PRKG1: variants seen among roughly 807,000 people sequenced by gnomAD.
PRKG1 encodes protein kinase cGMP-dependent 1.
In PRKG1, 35 loss-of-function variants were observed where a neutral mutation model predicts 88.1. That is an observed-to-expected ratio of 0.40 (90% CI 0.30 to 0.53). PRKG1 has a LOEUF of 0.53. PRKG1 is among the 20% of genes least tolerant of loss of function. The pLI is 0.59. For synonymous variants in PRKG1, 303 were observed against 292.5 expected (o/e 1.04, Z -0.37); for missense variants, 540 against 839.8 (o/e 0.64, Z 4.41).
At chr10:51,995,967 A>G (rs1311285498) in intron 5 of PRKG1, among the ~76,000 whole-genome samples, 2 of 152,158 alleles carry the variant, frequency 1.3e-5, no homozygotes, top group Admixed American at 1.3e-4. Context: ...TATCAGTGGG[A>G]TTACATTAAA....
At chr10:51,129,094 A>C (rs943765172) in intron 1 of PRKG1, among the ~76,000 whole-genome samples, 2 of 152,178 alleles carry the variant, frequency 1.3e-5, no homozygotes, top group African/African-American at 4.8e-5. Context: ...GTTTGTAAGC[A>C]CTTTGTCTTT....
At chr10:52,017,114 A>G (rs1196324761) in intron 5 of PRKG1, among the ~76,000 whole-genome samples, 1 of 152,200 alleles carries the variant, frequency 6.6e-6, no homozygotes, top group Non-Finnish European at 1.5e-5. Flanking sequence ...AGAGATTAAA[A>G]TGTATTTTAA....
chr10:51,031,927 C>T (rs1843288433), intron 1 of PRKG1, among the ~76,000 whole-genome samples: 1 of 152,024 alleles, frequency 6.6e-6, no homozygotes, highest in Admixed American at 6.6e-5. Flanking sequence ...AACAAGAAAG[C>T]CTAAAGAAAT....
At chr10:51,872,369 A>G (rs944903185) in intron 4 of PRKG1, among the ~76,000 whole-genome samples, 22 of 152,284 alleles carry the variant, frequency 1.4e-4, no homozygotes, top group Admixed American at 7.8e-4. Flanking sequence ...TTAGTCCAGT[A>G]TCTGGCATAT....
intron 2 of PRKG1, among the ~76,000 whole-genome samples, chr10:51,448,727 C>CA (rs1839348092): frequency 6.6e-6 from 1 of 151,900 alleles, no homozygotes; most frequent in Admixed American, 6.6e-5. Context: ...GAGGTCTGGA[C>CA]ACAGGTGGTG....
chr10:51,808,833 A>G (rs1839376527), intron 4 of PRKG1, among the ~76,000 whole-genome samples: 1 of 152,034 alleles, frequency 6.6e-6, no homozygotes. Context: ...AAAAATGAAA[A>G]CTCTAGCAAA....
intron 5 of PRKG1, among the ~76,000 whole-genome samples, chr10:51,934,259 C>T (rs573313937): frequency 1.3e-5 from 2 of 150,718 alleles, no homozygotes; most frequent in South Asian, 2.1e-4. Flanking sequence ...CACATACCCC[C>T]CCCCCAACAC....
At chr10:51,958,457 G>A (rs1843365464) in intron 5 of PRKG1, among the ~76,000 whole-genome samples, 1 of 151,916 alleles carries the variant, frequency 6.6e-6, no homozygotes, top group African/African-American at 2.4e-5. Flanking sequence ...GATACAAACT[G>A]GACCAGAGTT....
intron 4 of PRKG1, among the ~76,000 whole-genome samples, chr10:51,842,206 C>T (rs530509049): frequency 1.3e-5 from 2 of 152,274 alleles, no homozygotes; most frequent in South Asian, 4.1e-4. Context: ...TTGGGGTAGG[C>T]ACTACAGTCA....
At chr10:52,070,987 G>C (rs1000657583) in intron 7 of PRKG1, among the ~76,000 whole-genome samples, 1 of 152,100 alleles carries the variant, frequency 6.6e-6, no homozygotes, top group Admixed American at 6.5e-5. Flanking sequence ...AATAGTGCTT[G>C]CCACATAGGG....
At chr10:51,949,775 C>T (rs1843141115) in intron 5 of PRKG1, among the ~76,000 whole-genome samples, 1 of 152,122 alleles carries the variant, frequency 6.6e-6, no homozygotes, top group African/African-American at 2.4e-5. Context: ...TAAATTAAAT[C>T]ATGTTTACAT....
At chr10:51,281,854 A>C (rs1273933826) in intron 2 of PRKG1, among the ~76,000 whole-genome samples, 1 of 152,178 alleles carries the variant, frequency 6.6e-6, no homozygotes, top group African/African-American at 2.4e-5. Flanking sequence ...GGGTAGCTTC[A>C]AAAGCAGTGA....
At chr10:51,346,947 A>C (rs964275179) in intron 2 of PRKG1, among the ~76,000 whole-genome samples, 75 of 152,176 alleles carry the variant, frequency 4.9e-4, no homozygotes, top group African/African-American at 1.8e-3. Flanking sequence ...TATTTTACAG[A>C]CATAGAATGG....
intron 9 of PRKG1, among the ~76,000 whole-genome samples, chr10:52,195,347 A>T (rs1180668942): frequency 6.6e-6 from 1 of 152,288 alleles, no homozygotes; most frequent in East Asian, 1.9e-4. Flanking sequence ...TTATTAACCA[A>T]AACTATATCT....
intron 1 of PRKG1, among the ~76,000 whole-genome samples, chr10:51,152,103 T>A (rs1029141471): frequency 2.0e-5 from 3 of 152,230 alleles, no homozygotes; most frequent in African/African-American, 7.2e-5. Context: ...CTCCTCCTGA[T>A]AAAATATTTC....
At chr10:51,212,875 A>G (rs964421921) in intron 2 of PRKG1, among the ~76,000 whole-genome samples, 3 of 152,218 alleles carry the variant, frequency 2.0e-5, no homozygotes. Context: ...TGGGACTGTA[A>G]ACTAGTTCAA....
intron 9 of PRKG1, among the ~76,000 whole-genome samples, chr10:52,188,122 A>G (rs1470424875): frequency 1.3e-5 from 2 of 151,150 alleles, no homozygotes; most frequent in African/African-American, 4.9e-5. Flanking sequence ...AGTGCATGGT[A>G]TGTACTAGTG....
chr10:51,635,096 T>C (rs550679574), intron 3 of PRKG1, among the ~76,000 whole-genome samples: 13 of 152,068 alleles, frequency 8.5e-5, no homozygotes, highest in African/African-American at 2.9e-4. Context: ...CTGAAATAAA[T>C]GTTAAGAAAA....
chr10:51,275,298 AG>A (rs1840085207), intron 2 of PRKG1, among the ~76,000 whole-genome samples: 2 of 152,226 alleles, frequency 1.3e-5, no homozygotes, highest in Non-Finnish European at 2.9e-5. Context: ...TCAAGATAAA[AG>A]CCAGAATGTG....
Sources: allele counts gnomAD v4.1 joint callset (sites outside exome capture counted in the v4.1 genomes callset), GRCh38; gene constraint gnomAD v4.1.1; transcripts MANE v1.5; gene names NCBI Gene and HGNC (gene_info 2026-07-23, HGNC 2026-07-21).